The following BTRC variants were observed in gnomAD, a reference collection of about 807,000 sequenced individuals.
BTRC encodes beta-transducin repeat containing E3 ubiquitin protein ligase, also known as F-box/WD repeat-containing protein 1A.
Under a neutral mutation model 85.5 loss-of-function variants are expected in BTRC, and 42 were observed. The observed-to-expected ratio is 0.49, with a 90% CI of 0.38 to 0.64. The LOEUF (loss-of-function observed/expected upper bound fraction) is 0.64, where lower values mean the gene tolerates loss of function less well. Among genes scored for constraint, BTRC ranks in the 30% least tolerant of loss-of-function variants. The pLI, the probability that BTRC is intolerant of heterozygous loss-of-function variation, is 0.00. For synonymous variants in BTRC, 255 were observed against 263.3 expected, an observed-to-expected ratio of 0.97 and a Z score of 0.30; for missense variants, 594 against 743.5, an observed-to-expected ratio of 0.80 and a Z score of 2.34.
chr10:101,458,387 T>A (rs1945134664), intron 2 of BTRC, among the ~76,000 whole-genome samples: 1 of 152,158 alleles, frequency 6.6e-6, no homozygotes, highest in African/African-American at 2.4e-5. Context: ...TTCAAGAGAA[T>A]TTTGGGAGTG....
chr10:101,492,730 A>G (rs1311511527), intron 4 of BTRC, among the ~76,000 whole-genome samples: 1 of 152,174 alleles, frequency 6.6e-6, no homozygotes, highest in Admixed American at 6.5e-5. Context: ...AAATACAGCT[A>G]TTTTTAATTG....
chr10:101,527,687 G>A (rs1165204440), intron 6 of BTRC, among the ~76,000 whole-genome samples: 1 of 152,012 alleles, frequency 6.6e-6, no homozygotes, highest in Non-Finnish European at 1.5e-5. Context: ...CTGGGAAGTT[G>A]AGGCTGCAGT....
At chr10:101,386,565 T>G (rs1218758554) in intron 1 of BTRC, among the ~76,000 whole-genome samples, 1 of 152,248 alleles carries the variant, frequency 6.6e-6, no homozygotes, top group Non-Finnish European at 1.5e-5. Context: ...TCCCACATGC[T>G]ACTTAGAAAA....
intron 1 of BTRC, among the ~76,000 whole-genome samples, chr10:101,405,523 C>G (rs1388838160): frequency 1.3e-5 from 2 of 152,178 alleles, no homozygotes; most frequent in Non-Finnish European, 2.9e-5. Context: ...TTACTGACAC[C>G]AATACCCACT....
chr10:101,525,575 G>C (rs994488851), intron 5 of BTRC, among the ~76,000 whole-genome samples: 1 of 151,832 alleles, frequency 6.6e-6, no homozygotes, highest in Non-Finnish European at 1.5e-5. Context: ...TTCTTTTACC[G>C]AACAGCTTTG....
chr10:101,539,035 G>A (rs1354890043), intron 13 of BTRC, among the ~76,000 whole-genome samples: 4 of 147,946 alleles, frequency 2.7e-5, no homozygotes, highest in Non-Finnish European at 6.0e-5. Context: ...GGCAACAAGA[G>A]CGAAACTCTG....
intron 4 of BTRC, among the ~76,000 whole-genome samples, chr10:101,483,533 C>T (rs138976519): frequency 0.056 from 8,512 of 151,990 alleles, 793 homozygotes; most frequent in African/African-American, 0.19. Context: ...GCAGAGGTTG[C>T]AGTAAGCTGA....
At chr10:101,404,011 T>TAG in intron 1 of BTRC, among the ~76,000 whole-genome samples, 1 of 21,420 alleles carries the variant, frequency 4.7e-5, no homozygotes, top group African/African-American at 1.6e-4. Context: ...TGTATATATA[T>TAG]ATATATATAT....
In BTRC at chr10:101,430,328, T is replaced by C; in HGVS notation, c.49-17T>C. ...TGTCTCATACTGTCCCATCTCATAG[T>C]TGTCCTCTCTCTGCAGTGCTCTATG... On this transcript the variant is annotated splice_polypyrimidine_tract_variant and intron_variant, in intron 1 of 14. Transcript: ENST00000370187. 1 of 1,589,592 alleles carries C rather than the reference T, an allele frequency of 6.3e-7. No individual in the cohort carries two copies. Among genetic ancestry groups the C allele is most frequent in the Non-Finnish European group, 8.6e-7 (1 of 1,159,378 alleles).
chr10:101,531,590 A>G (rs1417625378), intron 7 of BTRC, among the ~76,000 whole-genome samples: 2 of 152,062 alleles, frequency 1.3e-5, no homozygotes, highest in African/African-American at 4.8e-5. Context: ...GCATGGTGGC[A>G]CACACCTGTA....
chr10:101,539,807 G>A lies in BTRC; in HGVS notation c.1656+1436G>A, dbSNP rs574178956. 3.9e-5 allele frequency among the ~76,000 whole-genome samples: 6 copies of A among 152,306 alleles called. No individual in the cohort carries two copies. The South Asian group carries it at 1.2e-3, about 32-fold the overall frequency. On this transcript the variant is annotated intron_variant, in intron 13 of 14. Transcript: ENST00000370187. ...TTATAGTATATAGCAGTGTATGAGA[G>A]TTCCAGTTACTCCACATTCTTGCCA...
At chr10:101,486,992 C>G (rs1946006401) in intron 4 of BTRC, among the ~76,000 whole-genome samples, 2 of 152,074 alleles carry the variant, frequency 1.3e-5, no homozygotes. Flanking sequence ...AGTAATCAAT[C>G]TTATTGAAAC....
At chr10:101,387,441 C>CT (rs1943107586) in intron 1 of BTRC, among the ~76,000 whole-genome samples, 1 of 147,350 alleles carries the variant, frequency 6.8e-6, no homozygotes. Context: ...GCTCACACTG[C>CT]TTTATAATAC....
chr10:101,427,220 C>A (rs1219792137), intron 1 of BTRC, among the ~76,000 whole-genome samples: 1 of 147,900 alleles, frequency 6.8e-6, no homozygotes, highest in African/African-American at 2.5e-5. Context: ...CGGGTTCAAG[C>A]GATTCTCCTG....
At chr10:101,425,898 C>T (rs1304601054) in intron 1 of BTRC, among the ~76,000 whole-genome samples, 1 of 152,110 alleles carries the variant, frequency 6.6e-6, no homozygotes. Context: ...ACAACAAAAA[C>T]AGTCCAAACT....
chr10:101,432,759 G>A (rs1944433581), intron 2 of BTRC, among the ~76,000 whole-genome samples: 1 of 152,122 alleles, frequency 6.6e-6, no homozygotes, highest in Non-Finnish European at 1.5e-5. Context: ...GAGACACATA[G>A]GGCAGAATCT....
chr10:101,460,667 C>T (rs539840830), intron 2 of BTRC, among the ~76,000 whole-genome samples: 1 of 152,116 alleles, frequency 6.6e-6, no homozygotes, highest in Non-Finnish European at 1.5e-5. Flanking sequence ...TGACACAGTA[C>T]GTTTTTTATC....
rs1159488237 is a variant in BTRC, at chr10:101,519,191, G to A, written c.325-2448G>A. Among the ~76,000 whole-genome samples the A allele has an allele frequency of 8.7e-5, 13 of 148,668 alleles. No homozygotes were observed. The Admixed American group carries it at 9.1e-4, about 10-fold the overall frequency. On this transcript the variant is annotated intron_variant, in intron 4 of 14. Transcript: ENST00000370187. Reference sequence around the variant, plus strand: ...CCTCCTGGGTTCAAGTGATTCTCCTGCCTCAGCCTCCCAAGTAGCTGGGAT... The same window carrying A: ...CCTCCTGGGTTCAAGTGATTCTCCTACCTCAGCCTCCCAAGTAGCTGGGAT...
At chr10:101,381,052 C>A (rs1399046658) in intron 1 of BTRC, among the ~76,000 whole-genome samples, 1 of 152,114 alleles carries the variant, frequency 6.6e-6, no homozygotes, top group East Asian at 1.9e-4. Context: ...GCATATCTGA[C>A]CATACTTGAC....
Sources: gnomAD v4.1 joint callset for allele counts (sites outside exome capture counted in the v4.1 genomes callset) on GRCh38, gnomAD v4.1.1 for gene constraint, MANE v1.5 for transcripts, NCBI Gene and HGNC (gene_info 2026-07-23, HGNC 2026-07-21) for gene names.